The following CNNM1 variants were observed in gnomAD, a reference collection of about 807,000 sequenced individuals.
The protein encoded by CNNM1 is cyclin and CBS domain divalent metal cation transport mediator 1.
CNNM1 carries 44 observed loss-of-function variants against 78.8 expected under a neutral mutation model. The ratio of observed to expected loss-of-function variants is 0.56; its 90% CI spans 0.44 to 0.72. CNNM1 has a LOEUF of 0.72. CNNM1 is among the 30% of genes least tolerant of loss of function. The probability of loss-of-function intolerance (pLI) is 0.00; values close to 1 mark genes in which losing one functional copy is unlikely to be tolerated. For missense variants in CNNM1, 1,101 were observed against 1,292.2 expected (o/e 0.85, Z 2.27); for synonymous variants, 584 against 581.5 (o/e 1.00, Z -0.06).
chr10:99,333,511 A>G (rs1018646688), intron 1 of CNNM1, among the ~76,000 whole-genome samples: 3 of 152,022 alleles, frequency 2.0e-5, no homozygotes, highest in Admixed American at 6.6e-5. Context: ...CGCCTGGCTA[A>G]TTTTTGTATT....
At chr10:99,367,095 CA>C (rs1334823140) in intron 6 of CNNM1, among the ~76,000 whole-genome samples, 1 of 152,180 alleles carries the variant, frequency 6.6e-6, no homozygotes, top group Non-Finnish European at 1.5e-5. Context: ...GAAGTAACTG[CA>C]AAGGCCAGCC....
chr10:99,358,044 A>G (rs939203440), intron 2 of CNNM1, among the ~76,000 whole-genome samples: 1 of 152,190 alleles, frequency 6.6e-6, no homozygotes, highest in Non-Finnish European at 1.5e-5. Context: ...GCAGACCCCA[A>G]CAGGGGTTCC....
chr10:99,343,796 A>AC (rs1206395920), intron 1 of CNNM1, among the ~76,000 whole-genome samples: 1 of 151,092 alleles, frequency 6.6e-6, no homozygotes, highest in Admixed American at 6.6e-5. Context: ...CTCACTGCAA[A>AC]CTCTGCCTCC....
At chr10:99,342,684 A>G (rs1361863512) in intron 1 of CNNM1, among the ~76,000 whole-genome samples, 1 of 152,054 alleles carries the variant, frequency 6.6e-6, no homozygotes, top group Non-Finnish European at 1.5e-5. Flanking sequence ...AACAACAACA[A>G]CAACAACAAA....
At chr10:99,360,208 G>A (rs1326506547) in intron 2 of CNNM1, among the ~76,000 whole-genome samples, 1 of 152,136 alleles carries the variant, frequency 6.6e-6, no homozygotes, top group Non-Finnish European at 1.5e-5. Flanking sequence ...GTTGAAGCAG[G>A]GAAATTGTGA....
In CNNM1 at chr10:99,382,466, C is replaced by T. The variant is rs142349722; in HGVS notation, c.2340+5248C>T. ...AACCACTTGAAAGTGAAAACAACAT[C>T]ATACCATGATAGGAGGCCAGGTGCA... On this transcript the variant is annotated intron_variant, in intron 7 of 10. Transcript: ENST00000356713. Among the ~76,000 whole-genome samples, 242 of 152,248 alleles carry T rather than the reference C, an allele frequency of 1.6e-3. 1 individual carries two copies. Among genetic ancestry groups the T allele is most frequent in the African/African-American group, 4.6e-3 (192 of 41,548 alleles).
intron 1 of CNNM1, among the ~76,000 whole-genome samples, chr10:99,334,881 G>C (rs1344679668): frequency 2.6e-5 from 4 of 152,068 alleles, no homozygotes; most frequent in Non-Finnish European, 5.9e-5. Context: ...AACCCTCCTG[G>C]GTAGATGTCA....
chr10:99,335,672 A>C (rs1396814602), intron 1 of CNNM1, among the ~76,000 whole-genome samples: 2 of 152,134 alleles, frequency 1.3e-5, no homozygotes, highest in African/African-American at 4.8e-5. Context: ...CTTTGCATTC[A>C]CCTCATCCTA....
At chr10:99,345,619 C>G (rs554651419) in intron 1 of CNNM1, among the ~76,000 whole-genome samples, 1 of 152,224 alleles carries the variant, frequency 6.6e-6, no homozygotes, top group East Asian at 1.9e-4. Context: ...GATTTTTAAG[C>G]AGGGGATTCT....
chr10:99,375,555 G>A lies in CNNM1; in HGVS notation c.2177-1500G>A, dbSNP rs2031937441. ...ATCAGATCAAGGCAGTGATGATTAT[G>A]GTTCTAATGAGAAAATGATTCAACC... On this transcript the variant is annotated intron_variant, in intron 6 of 10. Transcript: ENST00000356713. Among the ~76,000 whole-genome samples the A allele has an allele frequency of 2.0e-5, 3 of 152,190 alleles. 1 individual carries two copies. The South Asian group carries it at 6.2e-4, about 32-fold the overall frequency.
chr10:99,369,920 C>G (rs956758185), intron 6 of CNNM1, among the ~76,000 whole-genome samples: 2 of 152,076 alleles, frequency 1.3e-5, no homozygotes, highest in Non-Finnish European at 2.9e-5. Flanking sequence ...TTGGTGAATG[C>G]CAAGAGTGTG....
In CNNM1 at chr10:99,330,359, G is replaced by A. The variant is rs773055975; in HGVS notation, c.972G>A (p.Pro324=). ...EDYSEEGIHF[P]WLPALVCTGA... Reference sequence around the variant, plus strand: ...ACAGCGAAGAGGGGATCCACTTCCCGTGGCTGCCGGCGCTCGTGTGCACCG... The same window carrying A: ...ACAGCGAAGAGGGGATCCACTTCCCATGGCTGCCGGCGCTCGTGTGCACCG... The change falls in exon 1 of 11, where the codon CCG becomes CCA. Residue 324 remains proline (P), a synonymous_variant. Transcript: ENST00000356713. The A allele has an allele frequency of 6.9e-6, 11 of 1,599,524 alleles. No individual in the cohort carries two copies. The highest frequency in any genetic ancestry group is 2.3e-5 in the East Asian group (1 of 44,322).
At position 99,391,426 on chromosome 10, in the gene CNNM1, G is replaced by GT; in HGVS notation, c.2777-4dup. 5.0e-6 allele frequency: 8 copies of GT among 1,611,848 alleles called. No homozygotes were observed. Among genetic ancestry groups the GT allele is most frequent in the Non-Finnish European group, 5.9e-6 (7 of 1,178,260 alleles). ...TGTTACAGGCTGATACTTGCAACTT[G>GT]TTTTTTTCAGGTGGCCAAAAAAGGA... On this transcript the variant is annotated splice_polypyrimidine_tract_variant and intron_variant, in intron 10 of 10. Coordinates refer to ENST00000356713, the MANE Select transcript of CNNM1 (RefSeq NM_020348.3).
rs75760387 is a variant in CNNM1, at chr10:99,343,647, G to A, written c.1573+12687G>A. Among the ~76,000 whole-genome samples, 264 of 152,258 alleles carry A rather than the reference G, an allele frequency of 1.7e-3. 1 individual carries two copies. The highest frequency in any genetic ancestry group is 6.0e-3 in the African/African-American group (250 of 41,566). ...CCTGAACTCAGATCCCAGCACCTTCGTTGACTAGCTACGACTGGGGCAGGT... is the reference window on the plus strand; with the variant it reads ...CCTGAACTCAGATCCCAGCACCTTCATTGACTAGCTACGACTGGGGCAGGT... On this transcript the variant is annotated intron_variant, in intron 1 of 10. Transcript: ENST00000356713.
At chr10:99,340,575 A>T (rs4919300) in intron 1 of CNNM1, among the ~76,000 whole-genome samples, 130,768 of 152,168 alleles carry the variant, frequency 0.86, 56,469 homozygotes, top group African/African-American at 0.93. Context: ...TAGTACTGTC[A>T]TAAAACGAGT....
intron 10 of CNNM1, 59 bp downstream of exon 10, chr10:99,390,466 G>A (rs899253518): frequency 8.2e-7 from 1 of 1,212,842 alleles, no homozygotes; most frequent in Middle Eastern, 2.1e-4. Context: ...AGTAGGAAAA[G>A]CATGTTAGCA....
At chr10:99,355,427 A>G (rs1318160364) in intron 1 of CNNM1, among the ~76,000 whole-genome samples, 1 of 152,234 alleles carries the variant, frequency 6.6e-6, no homozygotes, top group African/African-American at 2.4e-5. Flanking sequence ...AGTATAATAA[A>G]AAAAGAGTTT....
intron 7 of CNNM1, among the ~76,000 whole-genome samples, chr10:99,384,881 A>G (rs1194576372): frequency 3.3e-5 from 5 of 152,226 alleles, no homozygotes; most frequent in Non-Finnish European, 5.9e-5. Flanking sequence ...AGCCTGACCA[A>G]TATGGTGAAA....
chr10:99,391,354 T>C (rs188310034), intron 10 of CNNM1, 83 bp from the exon 11 acceptor site: 2 of 1,072,346 alleles, frequency 1.9e-6, no homozygotes, highest in East Asian at 5.0e-5. Flanking sequence ...TCTGCTTCTG[T>C]TTTGAAAAGA....
Sources: allele counts gnomAD v4.1 joint callset (sites outside exome capture counted in the v4.1 genomes callset), GRCh38; gene constraint gnomAD v4.1.1; transcripts MANE v1.5; gene names NCBI Gene and HGNC (gene_info 2026-07-23, HGNC 2026-07-21).